The following EFCAB3 variants were observed in gnomAD, a reference collection of about 807,000 sequenced individuals.
The protein encoded by EFCAB3 is EF-hand calcium binding domain 3.
Under a neutral mutation model 42.2 loss-of-function variants are expected in EFCAB3, and 36 were observed. The ratio of observed to expected loss-of-function variants is 0.85; its 90% CI spans 0.65 to 1.13. The LOEUF (loss-of-function observed/expected upper bound fraction) is 1.13, where lower values mean the gene tolerates loss of function less well. Among genes scored for constraint, EFCAB3 ranks in the 50% most tolerant of loss-of-function variants. The pLI is 0.00. For missense variants in EFCAB3, 418 were observed against 505.1 expected (o/e 0.83, Z 1.65); for synonymous variants, 170 against 172.8 (o/e 0.98, Z 0.13).
rs2070547147 is a variant in EFCAB3 at position 62,416,196 on chromosome 17, G to A, written c.1184G>A (p.Arg395Lys). 2 of 1,613,868 alleles carry A rather than the reference G, an allele frequency of 1.2e-6. No individual in the cohort carries two copies. The highest frequency in any genetic ancestry group is 1.3e-5 in the African/African-American group (1 of 75,012). ...GAATTACTTTCTCCTAAGGACTTAA[G>A]GTTATATGATGCCTATGTGAATAGA... ...CQELLSPKDL[R>K]LYDAYVNRNS... Residue 395 changes from arginine (R) to lysine (K), a missense_variant, in exon 10 of 10, where the codon AGG (arginine) becomes AAG (lysine). Coordinates refer to ENST00000305286, the MANE Select transcript of EFCAB3 (RefSeq NM_173503.4).
chr17:62,400,027 G>T (rs1394287077), intron 6 of EFCAB3, among the ~76,000 whole-genome samples: 1 of 151,882 alleles, frequency 6.6e-6, no homozygotes, highest in Non-Finnish European at 1.5e-5. Flanking sequence ...AATCAAACCT[G>T]TGAGGTAGGT....
At chr17:62,382,300 A>G (rs1417074029) in intron 1 of EFCAB3, among the ~76,000 whole-genome samples, 1 of 152,216 alleles carries the variant, frequency 6.6e-6, no homozygotes, top group Non-Finnish European at 1.5e-5. Flanking sequence ...TATCTGTGTC[A>G]CATGGCACCA....
At chr17:62,381,692 G>A in intron 1 of EFCAB3, 1 of 214,376 alleles carries the variant, frequency 4.7e-6, no homozygotes, top group Non-Finnish European at 9.6e-6. Context: ...CCTCCCTCCT[G>A]CTGGCTGCCC....
chr17:62,400,996 G>C (rs2070397679), intron 6 of EFCAB3, among the ~76,000 whole-genome samples: 1 of 152,152 alleles, frequency 6.6e-6, no homozygotes, highest in Admixed American at 6.5e-5. Flanking sequence ...GGTGTGAGAT[G>C]GTATCTCATT....
intron 2 of EFCAB3, 97 bp from the exon 3 acceptor site, chr17:62,387,243 C>G (rs1470645422): frequency 1.2e-6 from 1 of 856,214 alleles, no homozygotes; most frequent in African/African-American, 1.7e-5. Context: ...CATTGAGATG[C>G]TACAGTCATT....
chr17:62,413,027 G>C (rs1356108303), intron 8 of EFCAB3, among the ~76,000 whole-genome samples: 1 of 152,154 alleles, frequency 6.6e-6, no homozygotes, highest in African/African-American at 2.4e-5. Context: ...GAGGGTCAGA[G>C]AGAAAGAAAA....
At position 62,412,196 on chromosome 17, in the gene EFCAB3, T is replaced by C. The variant is rs183694161; in HGVS notation, c.868-1536T>C. ...TTCGAGACCAGCCTGGCCAACATGG[T>C]GAAACCCCATCTCTACTAAAAATAC... is the stretch of plus-strand genomic sequence containing the variant. On this transcript the variant is annotated intron_variant, in intron 8 of 9. Coordinates refer to ENST00000305286, the MANE Select transcript of EFCAB3 (RefSeq NM_173503.4). Among the ~76,000 whole-genome samples the C allele has an allele frequency of 3.7e-3, 555 of 151,350 alleles. 2 individuals are homozygous for C. Among genetic ancestry groups the C allele is most frequent in the African/African-American group, 0.012 (485 of 41,264 alleles).
chr17:62,412,645 A>T (rs111481906), intron 8 of EFCAB3, among the ~76,000 whole-genome samples: 2 of 151,780 alleles, frequency 1.3e-5, no homozygotes, highest in South Asian at 4.2e-4. Context: ...TTGTATTTTT[A>T]GTAGAGATGG....
chr17:62,382,918 A>C, intron 1 of EFCAB3, 45 bp from the exon 2 acceptor site: 1 of 1,546,610 alleles, frequency 6.5e-7, no homozygotes, highest in Non-Finnish European at 8.8e-7. Flanking sequence ...AATATAAAGA[A>C]TGAATCTGTA....
At chr17:62,373,686 C>T in intron 1 of EFCAB3, 1 of 616,398 alleles carries the variant, frequency 1.6e-6, no homozygotes, top group South Asian at 1.9e-5. Context: ...AATTCCAAAG[C>T]AAACCAATGT....
chr17:62,373,485 G>A (rs1395001846), intron 1 of EFCAB3, among the ~76,000 whole-genome samples: 5 of 152,054 alleles, frequency 3.3e-5, no homozygotes. Flanking sequence ...GCTGGGTGTG[G>A]TGGCACACAC....
At chr17:62,374,638 T>G (rs1326377171) in intron 2 of EFCAB3, among the ~76,000 whole-genome samples, 1 of 152,184 alleles carries the variant, frequency 6.6e-6, no homozygotes, top group Non-Finnish European at 1.5e-5. Flanking sequence ...TTGAACATTA[T>G]GCTGTGAAAT....
intron 6 of EFCAB3, among the ~76,000 whole-genome samples, chr17:62,404,809 T>A (rs1365811951): frequency 1.3e-5 from 2 of 151,822 alleles, no homozygotes; most frequent in Admixed American, 6.6e-5. Flanking sequence ...AAAATAATAA[T>A]AATAATAATA....
intron 8 of EFCAB3, among the ~76,000 whole-genome samples, chr17:62,410,831 A>T (rs545910665): frequency 2.2e-4 from 34 of 152,212 alleles, no homozygotes; most frequent in South Asian, 1.9e-3. Context: ...CCCTGGAAGT[A>T]AGCAACTGGA....
intron 6 of EFCAB3, among the ~76,000 whole-genome samples, chr17:62,405,217 C>A (rs779906586): frequency 1.3e-5 from 2 of 152,222 alleles, no homozygotes; most frequent in African/African-American, 2.4e-5. Flanking sequence ...TTTTCACAGG[C>A]AAGTGATGAC....
intron 2 of EFCAB3, among the ~76,000 whole-genome samples, chr17:62,385,399 A>T (rs2070240420): frequency 6.6e-6 from 1 of 152,194 alleles, no homozygotes; most frequent in Non-Finnish European, 1.5e-5. Context: ...CCACGATCAC[A>T]TCACTGCACT....
upstream of EFCAB3, among the ~76,000 whole-genome samples, chr17:62,379,007 C>G (rs1254140134): frequency 1.3e-5 from 2 of 151,960 alleles, no homozygotes; most frequent in African/African-American, 4.8e-5. Context: ...CCAGGACTAA[C>G]TTCTGTGGCT....
intron 8 of EFCAB3, among the ~76,000 whole-genome samples, chr17:62,411,939 T>C (rs1352121822): frequency 6.6e-6 from 1 of 151,140 alleles, no homozygotes; most frequent in Non-Finnish European, 1.5e-5. Flanking sequence ...AAAAAATAAA[T>C]AACTTACAAA....
Position 62,383,026 on chromosome 17 carries a change from C to CAAA in EFCAB3, c.49_51dup (p.Lys17dup). 1.2e-6 allele frequency: 2 copies of CAAA among 1,613,466 alleles called. No homozygotes were observed. The highest frequency in any genetic ancestry group is 1.7e-6 in the Non-Finnish European group (2 of 1,179,782). On this transcript the variant is annotated inframe_insertion, in exon 2 of 10. Transcript: ENST00000305286. ...CCAAAACTTAAGCTGAATCCTCTAA[C>CAAA]AAAAGTACCCATCTCCCACAATAAA...
Sources: gnomAD v4.1 joint callset for allele counts (sites outside exome capture counted in the v4.1 genomes callset) on GRCh38, gnomAD v4.1.1 for gene constraint, MANE v1.5 for transcripts, NCBI Gene and HGNC (gene_info 2026-07-23, HGNC 2026-07-21) for gene names.